The following PEX5L variants were observed in gnomAD, a reference collection of about 807,000 sequenced individuals.
PEX5L encodes the protein peroxisomal biogenesis factor 5 like.
PEX5L carries 30 observed loss-of-function variants against 84.0 expected under a neutral mutation model. The observed-to-expected ratio is 0.36, with a 90% CI of 0.27 to 0.48. The LOEUF (loss-of-function observed/expected upper bound fraction) is 0.48, where lower values mean the gene tolerates loss of function less well. Among genes scored for constraint, PEX5L ranks in the 20% least tolerant of loss-of-function variants. The probability of loss-of-function intolerance (pLI) is 0.99; values close to 1 mark genes in which losing one functional copy is unlikely to be tolerated. For missense variants in PEX5L, 533 were observed against 754.6 expected, an observed-to-expected ratio of 0.71 and a Z score of 3.44; for synonymous variants, 270 against 283.1, an observed-to-expected ratio of 0.95 and a Z score of 0.46.
At chr3:179,809,424 G>T in intron 12 of PEX5L, 47 bp downstream of exon 12, 1 of 1,401,514 alleles carries the variant, frequency 7.1e-7, no homozygotes, top group Non-Finnish European at 1.0e-6. Flanking sequence ...GTGATTCATT[G>T]TATATATGGG....
chr3:180,014,344 C>T (rs575094703), intron 1 of PEX5L, among the ~76,000 whole-genome samples: 1 of 152,108 alleles, frequency 6.6e-6, no homozygotes, highest in Admixed American at 6.5e-5. Flanking sequence ...TGGTGGCGGG[C>T]GCCTGGAGTC....
chr3:180,017,837 A>G (rs1428445908), intron 1 of PEX5L, among the ~76,000 whole-genome samples: 1 of 152,198 alleles, frequency 6.6e-6, no homozygotes, highest in African/African-American at 2.4e-5. Context: ...CATGACTTGG[A>G]TAAGCACTTC....
chr3:179,906,441 T>A (rs1175975895), intron 2 of PEX5L, among the ~76,000 whole-genome samples: 5 of 152,216 alleles, frequency 3.3e-5, no homozygotes, highest in African/African-American at 4.8e-5. Context: ...ACTTTTCCTA[T>A]CTAGGGTGGT....
intron 7 of PEX5L, among the ~76,000 whole-genome samples, chr3:179,872,076 G>C (rs1456193358): frequency 1.3e-5 from 2 of 152,058 alleles, no homozygotes; most frequent in Non-Finnish European, 2.9e-5. Flanking sequence ...GTAGAGACAG[G>C]GTTTTGCTAT....
intron 2 of PEX5L, among the ~76,000 whole-genome samples, chr3:179,900,059 T>G (rs751980556): frequency 1.3e-5 from 2 of 152,234 alleles, no homozygotes; most frequent in Non-Finnish European, 2.9e-5. Context: ...ATTATGGCAC[T>G]ATAACTTGTT....
chr3:179,860,062 G>A (rs559072429), intron 7 of PEX5L, among the ~76,000 whole-genome samples: 6 of 152,242 alleles, frequency 3.9e-5, no homozygotes, highest in Admixed American at 3.9e-4. Context: ...AAACATAAAA[G>A]GCATGCAATT....
intron 2 of PEX5L, among the ~76,000 whole-genome samples, chr3:179,953,953 C>T (rs527808962): frequency 6.6e-6 from 1 of 152,100 alleles, no homozygotes; most frequent in South Asian, 2.1e-4. Flanking sequence ...TTATAAATAT[C>T]CCCAAAGGCA....
intron 2 of PEX5L, among the ~76,000 whole-genome samples, chr3:179,909,997 C>T (rs1334089520): frequency 6.6e-6 from 1 of 152,194 alleles, no homozygotes; most frequent in Non-Finnish European, 1.5e-5. Flanking sequence ...GTAAACTAAA[C>T]AGTAATAGAA....
chr3:179,962,975 C>T (rs1479670818), intron 2 of PEX5L, among the ~76,000 whole-genome samples: 1 of 152,212 alleles, frequency 6.6e-6, no homozygotes, highest in Non-Finnish European at 1.5e-5. Context: ...ATTTTTCCAG[C>T]TTGAAAGTCT....
chr3:179,850,138 G>GT (rs894891274), intron 8 of PEX5L, among the ~76,000 whole-genome samples: 25 of 143,492 alleles, frequency 1.7e-4, no homozygotes, highest in Admixed American at 3.4e-4. Context: ...TTTTTTTTTT[G>GT]TTTTTTTGAT....
chr3:179,805,975 C>T (rs906099893), intron 14 of PEX5L, among the ~76,000 whole-genome samples: 4 of 149,482 alleles, frequency 2.7e-5, no homozygotes, highest in African/African-American at 9.8e-5. Context: ...ATAAAAGCCT[C>T]CTTTAATTGA....
At chr3:179,983,099 T>A (rs1297526600) in intron 1 of PEX5L, among the ~76,000 whole-genome samples, 1 of 152,012 alleles carries the variant, frequency 6.6e-6, no homozygotes, top group African/African-American at 2.4e-5. Flanking sequence ...AAAAGTTGTA[T>A]AACTACTTTC....
chr3:180,012,762 A>C (rs1561062683), intron 1 of PEX5L, among the ~76,000 whole-genome samples: 1 of 152,132 alleles, frequency 6.6e-6, no homozygotes, highest in Non-Finnish European at 1.5e-5. Flanking sequence ...GAATAAGTTA[A>C]ATTACCTATG....
chr3:179,889,110 G>A (rs927773302), intron 3 of PEX5L, among the ~76,000 whole-genome samples: 4 of 152,042 alleles, frequency 2.6e-5, no homozygotes, highest in African/African-American at 9.7e-5. Context: ...TATTTGTTAA[G>A]TTGCATTTTA....
intron 2 of PEX5L, among the ~76,000 whole-genome samples, chr3:179,946,675 C>G (rs1038164310): frequency 3.3e-5 from 5 of 152,204 alleles, no homozygotes; most frequent in African/African-American, 1.2e-4. Context: ...ATCAGAATCC[C>G]TGGGCGTGAA....
chr3:179,871,634 G>T (rs767826747), intron 7 of PEX5L, among the ~76,000 whole-genome samples: 5 of 152,206 alleles, frequency 3.3e-5, no homozygotes, highest in Non-Finnish European at 7.3e-5. Flanking sequence ...CAATCACACA[G>T]TTGTGGCTGA....
chr3:179,802,834 CCA>C lies in PEX5L; in HGVS notation c.1677-804_1677-803del, dbSNP rs150491602. On this transcript the variant is annotated intron_variant, in intron 14 of 14. Coordinates refer to ENST00000467460, the MANE Select transcript of PEX5L (RefSeq NM_016559.3). ...TATTACTGGGCACCTGTCTTGAATC[CCA>C]GTTATTTAGCAGTAGGCAAATTTCT... is the stretch of plus-strand genomic sequence containing the variant. 5.6e-3 allele frequency among the ~76,000 whole-genome samples: 853 copies of C among 151,460 alleles called. 9 individuals are homozygous for C. Among genetic ancestry groups the C allele is most frequent in the Non-Finnish European group, 0.01 (687 of 67,894 alleles).
At chr3:180,033,685 A>C (rs1196563115) in intron 1 of PEX5L, among the ~76,000 whole-genome samples, 1 of 152,224 alleles carries the variant, frequency 6.6e-6, no homozygotes, top group Non-Finnish European at 1.5e-5. Context: ...AAGTATATTC[A>C]ATCATCATCA....
chr3:179,911,459 A>G (rs1290541333), intron 2 of PEX5L, among the ~76,000 whole-genome samples: 1 of 152,146 alleles, frequency 6.6e-6, no homozygotes, highest in African/African-American at 2.4e-5. Flanking sequence ...CAATGATACT[A>G]ATAACTGCCT....
Sources: gnomAD v4.1 joint callset for allele counts (sites outside exome capture counted in the v4.1 genomes callset) on GRCh38, gnomAD v4.1.1 for gene constraint, MANE v1.5 for transcripts, NCBI Gene and HGNC (gene_info 2026-07-23, HGNC 2026-07-21) for gene names.